The following LIMS2 variants were observed in gnomAD, a reference collection of about 807,000 sequenced individuals.
The protein encoded by LIMS2 is LIM and senescent cell antigen-like-containing domain protein 2.
LIMS2 carries 30 observed loss-of-function variants against 45.3 expected under a neutral mutation model. That is an observed-to-expected ratio of 0.66 (90% confidence interval 0.50 to 0.90). The LOEUF (loss-of-function observed/expected upper bound fraction) is 0.90, where lower values mean the gene tolerates loss of function less well. Among genes scored for constraint, LIMS2 ranks in the 40% least tolerant of loss-of-function variants. The pLI is 0.00. For synonymous variants in LIMS2, 173 were observed against 188.0 expected, an observed-to-expected ratio of 0.92 and a Z score of 0.65; for missense variants, 485 against 468.7, an observed-to-expected ratio of 1.03 and a Z score of -0.32.
rs966923051 is a variant in LIMS2, at chr2:127,642,312, G to A, written c.510-113C>T. On this transcript the variant is annotated intron_variant, in intron 5 of 9. Transcript: ENST00000355119. This position sits in a 1 kb window ranked among gnomAD's most constrained non-coding sequence, Gnocchi z 5.3. ...CCGAGGGGCCCATTCTGTCCCTGCA[G>A]AGCCGAGGCGGCAGCGCCTTCTGAT... The A allele has an allele frequency of 4.0e-6, 5 of 1,253,954 alleles. No homozygotes were observed. The highest frequency in any genetic ancestry group is 2.8e-4 in the Middle Eastern group (1 of 3,560). The allele number at this position is 1,253,954 out of a possible 1,614,324, so 77.7% of individuals were successfully genotyped here. A position where few individuals can be genotyped will look rare whatever the true frequency, so the allele number is the denominator to read the frequency against.
upstream of LIMS2, among the ~76,000 whole-genome samples, chr2:127,678,786 T>C (rs1357386560): frequency 6.6e-6 from 1 of 152,044 alleles, no homozygotes; most frequent in Non-Finnish European, 1.5e-5. This position sits in a 1 kb window ranked among gnomAD's most constrained non-coding sequence, Gnocchi z 5.3. Context: ...CTGGGCAGGT[T>C]AGCGAGGGGT....
At chr2:127,668,702 A>AC (rs1558901492) in intron 1 of LIMS2, among the ~76,000 whole-genome samples, 4 of 105,714 alleles carry the variant, frequency 3.8e-5, no homozygotes, top group South Asian at 8.3e-4. Context: ...AAAAAAAAAA[A>AC]AAAAAAAAAC....
intron 4 of LIMS2, chr2:127,643,980 C>T (rs542483251): frequency 3.1e-5 from 14 of 449,198 alleles, no homozygotes; most frequent in South Asian, 1.9e-4. Flanking sequence ...GAGATCCAAT[C>T]GCAGACCCAA....
rs533538632 is a variant in LIMS2 at position 127,658,108 on chromosome 2, G to A, written c.12-546C>T. On this transcript the variant is annotated intron_variant, in intron 1 of 9. Coordinates refer to ENST00000355119, the MANE Select transcript of LIMS2 (RefSeq NM_001161403.3). ...AGCAGGCAAGAGGGTAGCTGGGTGC[G>A]TGTGCAGAATGGCTCAAGCCTGTCA... Among the ~76,000 whole-genome samples the A allele has an allele frequency of 7.4e-4, 113 of 152,342 alleles. 1 individual carries two copies. Among genetic ancestry groups the A allele is most frequent in the Admixed American group, 1.4e-3 (22 of 15,306 alleles).
Position 127,657,393 on chromosome 2 carries a change from G to C in LIMS2, c.171+10C>G, listed in dbSNP as rs1684329883. 6.2e-7 allele frequency: 1 copy of C among 1,613,704 alleles called. No individual in the cohort carries two copies. Among genetic ancestry groups the C allele is most frequent in the African/African-American group, 1.3e-5 (1 of 75,062 alleles). On this transcript the variant is annotated intron_variant, in intron 2 of 9. Transcript: ENST00000355119. ...GCTGGGTCTGAGAAAGCCCTCAGTAGTGTCCTCACCTCATAGAAGAGCCCC... is the reference window on the plus strand; with the variant it reads ...GCTGGGTCTGAGAAAGCCCTCAGTACTGTCCTCACCTCATAGAAGAGCCCC...
At chr2:127,650,118 C>T (rs1683576330) in intron 4 of LIMS2, 1 of 1,548,420 alleles carries the variant, frequency 6.5e-7, no homozygotes. Context: ...GGGTACAGCC[C>T]TTGCTGCCAT....
Position 127,668,711 on chromosome 2 carries a change from AC to A in LIMS2, c.11+6302del, listed in dbSNP as rs1558901555. ...AAAAAAAAAAAAAAAAAAAAAAAAAACACCTTACTTAAAAATTACAATTTAC... is the reference window on the plus strand; with the variant it reads ...AAAAAAAAAAAAAAAAAAAAAAAAAAACCTTACTTAAAAATTACAATTTAC... On this transcript the variant is annotated intron_variant, in intron 1 of 9. Transcript: ENST00000355119. Among the ~76,000 whole-genome samples the A allele has an allele frequency of 3.1e-3, 367 of 119,400 alleles. 17 individuals are homozygous for A. The highest frequency in any genetic ancestry group is 6.0e-3 in the African/African-American group (170 of 28,210). The allele number at this position is 119,400 out of a possible 152,430, so 78.3% of individuals were successfully genotyped here. A position where few individuals can be genotyped will look rare whatever the true frequency, so the allele number is the denominator to read the frequency against.
At position 127,654,835 on chromosome 2, in the gene LIMS2, G is replaced by C; in HGVS notation, c.233C>G (p.Ser78Cys). 1 of 1,614,158 alleles carries C rather than the reference G, an allele frequency of 6.2e-7. No individual in the cohort carries two copies. Among genetic ancestry groups the C allele is most frequent in the Non-Finnish European group, 8.5e-7 (1 of 1,180,006 alleles). The change falls in exon 3 of 10, where the codon TCC (serine) becomes TGC (cysteine). Residue 78 changes from serine to cysteine, a missense_variant. Transcript: ENST00000355119. Reference protein sequence around the residue: ...FQMLFAPCCGSCGEFIIGRVI... With the variant: ...FQMLFAPCCGCCGEFIIGRVI... The stretch of plus-strand genomic sequence containing the variant: ...TGTACTGTCACCGGCCTTACCGCAG[G>C]ATCCACAGCACGGAGCAAACAGCAT...
intron 1 of LIMS2, among the ~76,000 whole-genome samples, chr2:127,663,785 A>G (rs368017613): frequency 3.8e-4 from 58 of 152,068 alleles, no homozygotes; most frequent in Middle Eastern, 3.4e-3. Flanking sequence ...GCTCCTCCTC[A>G]TGCCCCTGAC....
intron 8 of LIMS2, 26 bp downstream of exon 8, chr2:127,640,244 G>C: frequency 6.2e-7 from 1 of 1,613,090 alleles, no homozygotes; most frequent in Non-Finnish European, 8.5e-7. Flanking sequence ...AGCAGGTGGG[G>C]TGGGGGAGGG....
chr2:127,675,596 C>T (rs193254981), upstream of LIMS2, among the ~76,000 whole-genome samples: 191 of 152,190 alleles, frequency 1.3e-3, 2 homozygotes, highest in Admixed American at 2.7e-3. Flanking sequence ...ACAAGCACCC[C>T]CACCCCCACA....
intron 4 of LIMS2, among the ~76,000 whole-genome samples, chr2:127,644,736 A>G (rs1216914881): frequency 2.0e-5 from 3 of 152,186 alleles, no homozygotes; most frequent in African/African-American, 4.8e-5. Context: ...GATCACCCCA[A>G]TAACAGAAGG....
In LIMS2 at chr2:127,671,428, A is replaced by T. The variant is rs1286746153; in HGVS notation, c.11+3586T>A. The stretch of plus-strand genomic sequence containing the variant: ...AGCTTGGGTGACAGAGCGAGACTCC[A>T]TCTCAAAAAAAAAAAAAAGAGCCTG... On this transcript the variant is annotated intron_variant, in intron 1 of 9. Coordinates refer to ENST00000355119, the MANE Select transcript of LIMS2 (RefSeq NM_001161403.3). The surrounding 1 kb of genome is among the most constrained non-coding windows in gnomAD (Gnocchi z 4.1). Among the ~76,000 whole-genome samples the T allele has an allele frequency of 6.7e-6, 1 of 149,538 alleles. No individual in the cohort carries two copies. Among genetic ancestry groups the T allele is most frequent in the Non-Finnish European group, 1.5e-5 (1 of 67,520 alleles).
upstream of LIMS2, among the ~76,000 whole-genome samples, chr2:127,676,555 G>A (rs996762768): frequency 3.9e-5 from 6 of 151,938 alleles, no homozygotes; most frequent in Non-Finnish European, 7.4e-5. Flanking sequence ...GGGATTACAA[G>A]CATATGCCAC....
intron 2 of LIMS2, 67 bp from the exon 3 acceptor site, chr2:127,654,963 T>C: frequency 6.8e-7 from 1 of 1,471,364 alleles, no homozygotes; most frequent in Non-Finnish European, 9.4e-7. Context: ...CCCAGGCCCT[T>C]GTTGGGTCAG....
intron 4 of LIMS2, among the ~76,000 whole-genome samples, chr2:127,648,954 GGGGAGGGGAGGGGGGGAGGGGA>G (rs1415939325): frequency 2.6e-5 from 1 of 38,702 alleles, no homozygotes. Flanking sequence ...AGGGAGGGGA[GGGGAGGGGAGGGGGGGAGGGGA>G]GGGAGGGGAG....
chr2:127,663,720 A>G (rs902981304), intron 1 of LIMS2, among the ~76,000 whole-genome samples: 31 of 146,620 alleles, frequency 2.1e-4, no homozygotes, highest in Non-Finnish European at 1.9e-4. Flanking sequence ...TCACAGCCCT[A>G]TTGCTCTCTC....
chr2:127,648,219 G>A (rs2105246156), intron 4 of LIMS2: 1 of 985,294 alleles, frequency 1.0e-6, no homozygotes, highest in East Asian at 1.1e-4. Flanking sequence ...GAAGCAGCAG[G>A]AAACCATCTC....
chr2:127,649,279 C>T (rs1361103282), intron 4 of LIMS2, among the ~76,000 whole-genome samples: 3 of 152,130 alleles, frequency 2.0e-5, no homozygotes, highest in Non-Finnish European at 2.9e-5. Flanking sequence ...CAGAGCCAGG[C>T]TCGCCCAGGA....
Sources: gnomAD v4.1 joint callset for allele counts (sites outside exome capture counted in the v4.1 genomes callset) on GRCh38, gnomAD v4.1.1 for gene constraint, Gnocchi (gnomAD v3.1) non-coding constraint, MANE v1.5 for transcripts, NCBI Gene and HGNC (gene_info 2026-07-23, HGNC 2026-07-21) for gene names.